The following TRPC1 variants were observed in gnomAD, a reference collection of about 807,000 sequenced individuals.
TRPC1 encodes short transient receptor potential channel 1.
A neutral mutation model predicts 88.2 loss-of-function variants in TRPC1; 42 were observed. The observed-to-expected ratio is 0.48, with a 90% CI of 0.37 to 0.62. The LOEUF (loss-of-function observed/expected upper bound fraction) is 0.62, where lower values mean the gene tolerates loss of function less well. Ranked by LOEUF, TRPC1 falls within the 20% of genes least tolerant of loss-of-function variation. TRPC1 has a pLI of 0.00. For missense variants in TRPC1, 699 were observed against 957.3 expected (o/e 0.73, Z 3.56); for synonymous variants, 288 against 331.8 (o/e 0.87, Z 1.43).
intron 1 of TRPC1, among the ~76,000 whole-genome samples, chr3:142,735,022 TA>T (rs1934076489): frequency 6.6e-6 from 1 of 151,874 alleles, no homozygotes; most frequent in Middle Eastern, 3.4e-3. Flanking sequence ...TGACTTAGAG[TA>T]TCACTTTGTG....
intron 9 of TRPC1, chr3:142,793,779 T>G: frequency 1.2e-6 from 1 of 834,722 alleles, no homozygotes; most frequent in Non-Finnish European, 1.4e-6. Context: ...ACAATTTAGA[T>G]TGTCTCATAT....
At chr3:142,778,874 T>G (rs1935870429) in intron 5 of TRPC1, among the ~76,000 whole-genome samples, 1 of 152,256 alleles carries the variant, frequency 6.6e-6, no homozygotes, top group African/African-American at 2.4e-5. Context: ...AACTACTGTC[T>G]TGTAACTTGG....
At position 142,804,717 on chromosome 3, in the gene TRPC1, C is replaced by T. The variant is rs377753914; in HGVS notation, c.2154+87C>T. On this transcript the variant is annotated intron_variant, in intron 12 of 12. Coordinates refer to ENST00000476941, the MANE Select transcript of TRPC1 (RefSeq NM_001251845.2). ...TTCTTAAAGCGTAAGTATGCAGGTT[C>T]CCTAAGGGCTGTGACTGTCTGACTT... 4.0e-5 allele frequency: 52 copies of T among 1,287,064 alleles called. 1 individual carries two copies. The South Asian group carries it at 4.8e-4, about 12-fold the overall frequency. 79.7% of individuals were successfully genotyped at this position (1,287,064 alleles called of 1,614,324 possible).
chr3:142,754,540 AT>A (rs1420452286), intron 4 of TRPC1, among the ~76,000 whole-genome samples: 4 of 152,256 alleles, frequency 2.6e-5, no homozygotes, highest in Admixed American at 6.5e-5. Context: ...TAATAAAAAA[AT>A]AAAAATAAAA....
chr3:142,778,168 A>G (rs1935847774), intron 5 of TRPC1, among the ~76,000 whole-genome samples: 1 of 152,194 alleles, frequency 6.6e-6, no homozygotes, highest in African/African-American at 2.4e-5. Flanking sequence ...ATCTTTCAAA[A>G]GCATATGGAA....
At chr3:142,793,385 G>T (rs1395713153) in intron 9 of TRPC1, among the ~76,000 whole-genome samples, 1 of 151,984 alleles carries the variant, frequency 6.6e-6, no homozygotes, top group Non-Finnish European at 1.5e-5. Context: ...GAATAAGCTG[G>T]ATTTAAAAGA....
rs1391039013 is a variant in TRPC1 at position 142,780,935 on chromosome 3, C to A, written c.866C>A (p.Thr289Lys). The A allele has an allele frequency of 8.1e-6, 13 of 1,613,812 alleles. No individual in the cohort carries two copies. The highest frequency in any genetic ancestry group is 1.0e-5 in the Non-Finnish European group (12 of 1,179,802). ...SRELEVILNHTSSDEPLDKRG... is the reference protein window; with the variant it reads ...SRELEVILNHKSSDEPLDKRG... ...GAATTGGAAGTTATTCTAAACCATACGTCTAGTGACGAGCCTCTTGACAAA... is the reference window on the plus strand; with the variant it reads ...GAATTGGAAGTTATTCTAAACCATAAGTCTAGTGACGAGCCTCTTGACAAA... The change falls in exon 6 of 13, where the codon ACG (threonine) becomes AAG (lysine). Residue 289 changes from threonine (T) to lysine (K), a missense_variant. By Grantham distance (78) the Thr-to-Lys change is moderately conservative. Transcript: ENST00000476941.
chr3:142,804,259 T>C (rs1936713376), intron 11 of TRPC1, 81 bp downstream of exon 11: 1 of 1,265,804 alleles, frequency 7.9e-7, no homozygotes, highest in East Asian at 2.5e-5. Flanking sequence ...CCAAAGATTA[T>C]AAGATTATAA....
intron 4 of TRPC1, among the ~76,000 whole-genome samples, chr3:142,761,087 T>C (rs1046031297): frequency 6.6e-6 from 1 of 152,154 alleles, no homozygotes; most frequent in Non-Finnish European, 1.5e-5. Context: ...TATCTCTTTG[T>C]CTTGCTTAAT....
At chr3:142,771,742 A>T (rs1388516387) in intron 4 of TRPC1, among the ~76,000 whole-genome samples, 2 of 152,206 alleles carry the variant, frequency 1.3e-5, no homozygotes, top group Admixed American at 1.3e-4. Flanking sequence ...TTTCTATGTT[A>T]TAGGCCAAAC....
chr3:142,760,958 A>T (rs992271655), intron 4 of TRPC1, among the ~76,000 whole-genome samples: 2 of 151,734 alleles, frequency 1.3e-5, no homozygotes, highest in Admixed American at 6.6e-5. Flanking sequence ...ACTTTACTGA[A>T]TTTTTTTTAC....
intron 3 of TRPC1, among the ~76,000 whole-genome samples, chr3:142,746,673 G>T (rs900100294): frequency 1.3e-5 from 2 of 152,030 alleles, no homozygotes; most frequent in Admixed American, 1.3e-4. Context: ...GCCTAAGACG[G>T]GTGAGTAAAA....
Position 142,804,560 on chromosome 3 carries a change from T to A in TRPC1, c.2084T>A (p.Ile695Asn). The A allele has an allele frequency of 6.2e-7, 1 of 1,613,246 alleles. No individual in the cohort carries two copies. Among genetic ancestry groups the A allele is most frequent in the Non-Finnish European group, 8.5e-7 (1 of 1,179,530 alleles). Residue 695 changes from isoleucine to asparagine, a missense_variant, in exon 12 of 13, where the codon ATT (isoleucine) becomes AAT (asparagine). Around this residue, in one of 4 missense-constraint regions of TRPC1, gnomAD observed 105 missense variants for 141.7 expected, o/e 0.74. Transcript: ENST00000476941. ...IPSPKTICYM[I>N]SSLSKWICSH... ...TCACCAAAGACTATCTGCTATATGA[T>A]TAGTAGCCTCAGTAAGTGGATTTGC...
At chr3:142,772,208 A>C (rs1400779985) in intron 4 of TRPC1, among the ~76,000 whole-genome samples, 1 of 151,938 alleles carries the variant, frequency 6.6e-6, no homozygotes, top group East Asian at 1.9e-4. Flanking sequence ...TTTTTCAAGA[A>C]ATTTGGGAAG....
At chr3:142,788,489 A>G (rs187591471) in intron 7 of TRPC1, among the ~76,000 whole-genome samples, 1 of 152,196 alleles carries the variant, frequency 6.6e-6, no homozygotes, top group Admixed American at 6.5e-5. Flanking sequence ...GATCCTGAGT[A>G]CAGTTTCGGA....
rs1933536310 is a variant in TRPC1 at position 142,724,075 on chromosome 3, C to G, written c.-485C>G. ...AGAGGATGACGTGAGGACAGAGTCG[C>G]GAACATCTCCTCGGAGCGCAGCTGG... On this transcript the variant is annotated 5_prime_UTR_variant, in exon 1 of 13. Transcript: ENST00000476941. This position sits in a 1 kb window ranked among gnomAD's most constrained non-coding sequence, Gnocchi z 5.6. 1 of 151,838 alleles carries G rather than the reference C, an allele frequency of 6.6e-6. No individual in the cohort carries two copies. The highest frequency in any genetic ancestry group is 2.1e-4 in the South Asian group (1 of 4,816). 9.4% of individuals were successfully genotyped at this position (151,838 alleles called of 1,614,324 possible).
intron 4 of TRPC1, among the ~76,000 whole-genome samples, chr3:142,774,800 T>C (rs901091278): frequency 6.6e-6 from 1 of 152,206 alleles, no homozygotes; most frequent in Non-Finnish European, 1.5e-5. Context: ...TGATAGATCT[T>C]ATGAAAGAAG....
chr3:142,767,103 T>C lies in TRPC1; in HGVS notation c.633-10529T>C, dbSNP rs150293693. On this transcript the variant is annotated intron_variant, in intron 4 of 12. Coordinates refer to ENST00000476941, the MANE Select transcript of TRPC1 (RefSeq NM_001251845.2). This position sits in a 1 kb window ranked among gnomAD's most constrained non-coding sequence, Gnocchi z 5.1. Reference sequence around the variant, plus strand: ...GAACATGGTATATCTCTCCATTTAATAGGTTTCATTTAATTTCTCTCAGCA... The same window carrying C: ...GAACATGGTATATCTCTCCATTTAACAGGTTTCATTTAATTTCTCTCAGCA... Among the ~76,000 whole-genome samples, 17 of 152,320 alleles carry C rather than the reference T, an allele frequency of 1.1e-4. No homozygotes were observed. Among genetic ancestry groups the C allele is most frequent in the African/African-American group, 4.1e-4 (17 of 41,588 alleles).
Position 142,791,079 on chromosome 3 carries a change from A to G in TRPC1, c.1358A>G (p.Glu453Gly). The change falls in exon 8 of 13, where the codon GAA becomes GGA. Residue 453 changes from glutamate (E) to glycine (G), a missense_variant. Coordinates refer to ENST00000476941, the MANE Select transcript of TRPC1 (RefSeq NM_001251845.2). The part of the protein sequence containing the change: ...WYEGLEDFLE[E>G]SRNQLSFVMN... Reference sequence around the variant, plus strand: ...GAAGGGTTGGAAGACTTTTTAGAAGAATCTCGTAATCAACTCAGTTTTGTC... The same window carrying G: ...GAAGGGTTGGAAGACTTTTTAGAAGGATCTCGTAATCAACTCAGTTTTGTC... 6.2e-7 allele frequency: 1 copy of G among 1,610,976 alleles called. No individual in the cohort carries two copies.
Sources: gnomAD v4.1 joint callset for allele counts (sites outside exome capture counted in the v4.1 genomes callset) on GRCh38, gnomAD v4.1.1 for gene constraint, gnomAD v4.1.1 regional missense constraint, Gnocchi (gnomAD v3.1) non-coding constraint, MANE v1.5 for transcripts, NCBI Gene and HGNC (gene_info 2026-07-23, HGNC 2026-07-21) for gene names.